Variants in PDCD6 observed in about 807,000 individuals in gnomAD.
PDCD6 encodes programmed cell death 6.
A neutral mutation model predicts 28.3 loss-of-function variants in PDCD6; 12 were observed. The ratio of observed to expected loss-of-function variants is 0.42; its 90% CI spans 0.27 to 0.69. PDCD6 has a LOEUF of 0.69. PDCD6 is among the 30% of genes least tolerant of loss of function. The pLI, the probability that PDCD6 is intolerant of heterozygous loss-of-function variation, is 0.22. For synonymous variants in PDCD6, 92 were observed against 108.0 expected (o/e 0.85, Z 0.92); for missense variants, 226 against 269.9 (o/e 0.84, Z 1.14).
At chr5:287,929 C>T (rs1739078511) in intron 2 of PDCD6, among the ~76,000 whole-genome samples, 1 of 152,184 alleles carries the variant, frequency 6.6e-6, no homozygotes, top group Non-Finnish European at 1.5e-5. Context: ...CTGAGATGGC[C>T]TCATATCAGC....
At chr5:276,760 T>G in intron 2 of PDCD6, 4 of 985,162 alleles carry the variant, frequency 4.1e-6, no homozygotes, top group Non-Finnish European at 4.8e-6. Flanking sequence ...TCTGAGTGCT[T>G]GTATTCTAGG....
chr5:277,646 G>T (rs1369418023), intron 2 of PDCD6, among the ~76,000 whole-genome samples: 1 of 152,110 alleles, frequency 6.6e-6, no homozygotes, highest in African/African-American at 2.4e-5. Context: ...ATGTTAGCTA[G>T]GATGGTCTTG....
chr5:312,570 G>A (rs1740990174), intron 5 of PDCD6, among the ~76,000 whole-genome samples: 1 of 152,130 alleles, frequency 6.6e-6, no homozygotes, highest in Non-Finnish European at 1.5e-5. Flanking sequence ...AAACTCTACG[G>A]TTGGGGACCC....
rs1405705607 is a variant in PDCD6, at chr5:307,766, G to GTC, written c.367+1009_367+1010dup. 6.6e-6 allele frequency among the ~76,000 whole-genome samples: 1 copy of GTC among 152,168 alleles called. No homozygotes were observed. The highest frequency in any genetic ancestry group is 1.5e-5 in the Non-Finnish European group (1 of 68,018). ...CTTGAGTACCTCCGAGATCCCTGGA[G>GTC]TCTCACTTATCTAAGCACGTCGCCT... is the stretch of plus-strand genomic sequence containing the variant. On this transcript the variant is annotated intron_variant, in intron 4 of 5. Transcript: ENST00000264933. This position sits in a 1 kb window ranked among gnomAD's most constrained non-coding sequence, Gnocchi z 6.1.
chr5:304,487 T>C (rs1740341160), intron 3 of PDCD6: 1 of 204,930 alleles, frequency 4.9e-6, no homozygotes. Context: ...AGATGACATA[T>C]ATTTAAAATT....
chr5:289,128 A>G (rs1739165298), intron 2 of PDCD6: 2 of 1,153,094 alleles, frequency 1.7e-6, no homozygotes, highest in Non-Finnish European at 2.5e-6. Context: ...TCTTTCCGGG[A>G]TCATTTCTCT....
At chr5:290,458 C>A (rs1327736327) in intron 2 of PDCD6, 2 of 614,404 alleles carry the variant, frequency 3.3e-6, no homozygotes, top group Non-Finnish European at 5.9e-6. Flanking sequence ...GTGGGGGGAA[C>A]GAAGGGAGCC....
At chr5:275,307 T>C (rs1047069250) in intron 2 of PDCD6, among the ~76,000 whole-genome samples, 1 of 152,224 alleles carries the variant, frequency 6.6e-6, no homozygotes, top group Non-Finnish European at 1.5e-5. Context: ...TGTGGCCCCA[T>C]GAAGCCCGTA....
chr5:276,318 C>T (rs561458702), intron 2 of PDCD6: 66 of 1,090,710 alleles, frequency 6.1e-5, no homozygotes, highest in East Asian at 2.5e-4. Flanking sequence ...TTTTCCTCAT[C>T]GTGGGGGCTC....
At position 272,822 on chromosome 5, in the gene PDCD6, T is replaced by G. The variant is rs536519487; in HGVS notation, c.163+50T>G. ...TCTCCGGACCAAGAAGCCGCGAGCCTGCCCTGTTCACAGTGGATAACTTTC... is the reference window on the plus strand; with the variant it reads ...TCTCCGGACCAAGAAGCCGCGAGCCGGCCCTGTTCACAGTGGATAACTTTC... On this transcript the variant is annotated intron_variant, in intron 2 of 5. Transcript: ENST00000264933. 51 of 1,555,006 alleles carry G rather than the reference T, an allele frequency of 3.3e-5. 7 individuals carry two copies. Among genetic ancestry groups the G allele is most frequent in the Non-Finnish European group, 4.0e-5 (46 of 1,152,940 alleles).
chr5:313,229 G>A (rs548819825), intron 5 of PDCD6, among the ~76,000 whole-genome samples: 6 of 152,278 alleles, frequency 3.9e-5, no homozygotes, highest in South Asian at 2.1e-4. Context: ...CCTCAAAAAC[G>A]TTTTTATTTA....
At chr5:287,955 T>C (rs2126713900) in intron 2 of PDCD6, among the ~76,000 whole-genome samples, 1 of 152,322 alleles carries the variant, frequency 6.6e-6, no homozygotes, top group South Asian at 2.1e-4. Flanking sequence ...AAACATTCAT[T>C]CTACAAAATA....
Position 306,128 on chromosome 5 carries a change from G to T in PDCD6, c.209-474G>T, listed in dbSNP as rs538179445. The stretch of plus-strand genomic sequence containing the variant: ...CTAATTAAAGCAGGTTTTCCTGACA[G>T]GGCTGTTCCAAGACTCCACCAGTGC... On this transcript the variant is annotated intron_variant, in intron 3 of 5. Coordinates refer to ENST00000264933, the MANE Select transcript of PDCD6 (RefSeq NM_013232.4). 4.7e-5 allele frequency: 8 copies of T among 171,730 alleles called. No individual in the cohort carries two copies. In the South Asian group the frequency reaches 1.2e-3, roughly 25 times the overall value. 10.6% of individuals were successfully genotyped at this position (171,730 alleles called of 1,614,324 possible).
At chr5:288,951 C>T (rs534985036) in intron 2 of PDCD6, 34 of 1,516,204 alleles carry the variant, frequency 2.2e-5, no homozygotes, top group Non-Finnish European at 2.7e-5. Flanking sequence ...TTCTGTTTCA[C>T]GGCAGTCAGA....
In PDCD6 at chr5:286,117, T is replaced by C. The variant is rs1384625227; in HGVS notation, c.163+13345T>C. ...CCAGGGGGGAGCTGATGTTCTCCTT[T>C]GAGTGCTGTGCAGCTGGAGACCCGG... On this transcript the variant is annotated intron_variant, in intron 2 of 5. Coordinates refer to ENST00000264933, the MANE Select transcript of PDCD6 (RefSeq NM_013232.4). Among the ~76,000 whole-genome samples, 3 of 144,966 alleles carry C rather than the reference T, an allele frequency of 2.1e-5. No homozygotes were observed. The East Asian group carries it at 6.3e-4, about 31-fold the overall frequency.
At chr5:306,863 C>A in intron 4 of PDCD6, 103 bp downstream of exon 4, 1 of 1,219,368 alleles carries the variant, frequency 8.2e-7, no homozygotes, top group Non-Finnish European at 1.2e-6. Flanking sequence ...TCTAACCAGG[C>A]TACGTAAAGT....
intron 1 of PDCD6, among the ~76,000 whole-genome samples, chr5:272,031 C>A (rs547757468): frequency 2.0e-5 from 3 of 152,100 alleles, no homozygotes; most frequent in African/African-American, 7.2e-5. Context: ...CTGGCGGGTC[C>A]CCCGCGGTCT....
chr5:276,441 C>G (rs1738206708), intron 2 of PDCD6: 1 of 986,702 alleles, frequency 1.0e-6, no homozygotes, highest in African/African-American at 1.7e-5. Context: ...CACATATCCT[C>G]TTCCTTCTTC....
At chr5:296,504 C>A (rs1455567934) in intron 2 of PDCD6, among the ~76,000 whole-genome samples, 3 of 152,220 alleles carry the variant, frequency 2.0e-5, no homozygotes, top group Non-Finnish European at 4.4e-5. Context: ...CCAGCAAGTC[C>A]CTCAGTGGAG....
Sources: gnomAD v4.1 joint callset for allele counts (sites outside exome capture counted in the v4.1 genomes callset) on GRCh38, gnomAD v4.1.1 for gene constraint, Gnocchi (gnomAD v3.1) non-coding constraint, MANE v1.5 for transcripts, NCBI Gene and HGNC (gene_info 2026-07-23, HGNC 2026-07-21) for gene names.